Variants in HYDIN observed in about 807,000 individuals in gnomAD.
HYDIN encodes the protein HYDIN axonemal central pair apparatus protein, also known as axonemal central pair apparatus protein HYDIN.
A neutral mutation model predicts 403.9 loss-of-function variants in HYDIN; 132 were observed. The ratio of observed to expected loss-of-function variants is 0.33; its 90% CI spans 0.28 to 0.38. The LOEUF (loss-of-function observed/expected upper bound fraction) is 0.38, where lower values mean the gene tolerates loss of function less well. Among genes scored for constraint, HYDIN ranks in the 10% least tolerant of loss-of-function variants. HYDIN has a pLI of 1.00. For synonymous variants in HYDIN, 1,202 were observed against 1,891.7 expected, an observed-to-expected ratio of 0.64 and a Z score of 9.46; for missense variants, 2,827 against 5,009.5, an observed-to-expected ratio of 0.56 and a Z score of 13.15.
At chr16:70,897,157 A>G (rs139809862) in intron 53 of HYDIN, among the ~76,000 whole-genome samples, 2 of 152,300 alleles carry the variant, frequency 1.3e-5, no homozygotes, top group African/African-American at 4.8e-5. Context: ...CAACAAAAAA[A>G]TCCCCAAATA....
intron 28 of HYDIN, among the ~76,000 whole-genome samples, chr16:70,981,990 T>G (rs1196109779): frequency 1.3e-5 from 2 of 151,528 alleles, no homozygotes; most frequent in African/African-American, 4.9e-5. Context: ...TAGCCAGGCA[T>G]GGTGGTGGGC....
intron 3 of HYDIN, among the ~76,000 whole-genome samples, chr16:71,183,336 G>A (rs9930115): frequency 0.34 from 50,964 of 151,918 alleles, 9,043 homozygotes; most frequent in East Asian, 0.57. Flanking sequence ...GGAAATGCAA[G>A]CTGTAGAAGG....
intron 18 of HYDIN, among the ~76,000 whole-genome samples, chr16:71,036,992 T>C (rs1476636400): frequency 7.5e-6 from 1 of 133,272 alleles, no homozygotes; most frequent in Non-Finnish European, 1.6e-5. Context: ...AAAACCACAA[T>C]AGGGCGAAAT....
rs1337341513 is a variant in HYDIN at position 70,920,622 on chromosome 16, A to G, written c.7754T>C (p.Leu2585Pro). Residue 2585 changes from leucine (L) to proline (P), a missense_variant, in exon 46 of 86, where the codon CTA (leucine) becomes CCA (proline). Coordinates refer to ENST00000393567, the MANE Select transcript of HYDIN (RefSeq NM_001270974.2). ...DFEGLSWKQALESDKLPKGEQ... is the reference protein window; with the variant it reads ...DFEGLSWKQAPESDKLPKGEQ... ...TCCTTTGGGAAGCTTGTCGCTCTCT[A>G]GGGCCTGCTTCCAGCTCAAGCCTTC... 5.6e-6 allele frequency: 9 copies of G among 1,613,808 alleles called. No homozygotes were observed. Among genetic ancestry groups the G allele is most frequent in the Non-Finnish European group, 7.6e-6 (9 of 1,179,878 alleles).
chr16:70,996,794 TC>T (rs2079546943), intron 23 of HYDIN, among the ~76,000 whole-genome samples: 1 of 150,170 alleles, frequency 6.7e-6, no homozygotes. Flanking sequence ...AAAGCAGCGG[TC>T]CCCAACCTTT....
At chr16:71,170,192 A>G (rs2086405053) in intron 5 of HYDIN, among the ~76,000 whole-genome samples, 1 of 152,320 alleles carries the variant, frequency 6.6e-6, no homozygotes, top group East Asian at 1.9e-4. Context: ...TGAATGGACT[A>G]TACCTCAGGG....
At chr16:71,039,419 T>C (rs2081208307) in intron 18 of HYDIN, among the ~76,000 whole-genome samples, 1 of 152,048 alleles carries the variant, frequency 6.6e-6, no homozygotes, top group Non-Finnish European at 1.5e-5. Flanking sequence ...AAAGGGTGGG[T>C]CCCTGGCGAA....
chr16:70,982,605 G>A (rs1022912650), intron 28 of HYDIN, among the ~76,000 whole-genome samples: 5 of 134,404 alleles, frequency 3.7e-5, no homozygotes, highest in Admixed American at 3.1e-4. Context: ...GCAGATGGTA[G>A]CATACAGAGT....
At chr16:70,853,710 A>G (rs2038821314) in intron 73 of HYDIN, among the ~76,000 whole-genome samples, 1 of 140,320 alleles carries the variant, frequency 7.1e-6, no homozygotes. Context: ...GGGAAGGGAA[A>G]GGGTGTGGCA....
intron 40 of HYDIN, among the ~76,000 whole-genome samples, chr16:70,954,732 C>G (rs1474495916): frequency 6.6e-6 from 1 of 152,194 alleles, no homozygotes; most frequent in Admixed American, 6.5e-5. Flanking sequence ...ACATGATAGT[C>G]AAGGGCTACC....
chr16:70,951,489 C>A (rs111767315), intron 41 of HYDIN, among the ~76,000 whole-genome samples: 3 of 152,146 alleles, frequency 2.0e-5, no homozygotes, highest in African/African-American at 7.2e-5. Flanking sequence ...ATGCCTCCTA[C>A]ATGCATTACA....
Position 70,926,228 on chromosome 16 carries a change from T to C in HYDIN, c.7159-5011A>G, listed in dbSNP as rs573431241. Among the ~76,000 whole-genome samples, 6 of 151,310 alleles carry C rather than the reference T, an allele frequency of 4.0e-5. No homozygotes were observed. In the South Asian group the frequency reaches 1.3e-3, roughly 32 times the overall value. On this transcript the variant is annotated intron_variant, in intron 45 of 85. Transcript: ENST00000393567. ...AACCAACCCAAATGTCCAACAATGATAGACTGGATTAAGAAAATGTGGCAC... is the reference window on the plus strand; with the variant it reads ...AACCAACCCAAATGTCCAACAATGACAGACTGGATTAAGAAAATGTGGCAC...
chr16:70,912,922 G>A (rs554691899), intron 47 of HYDIN, among the ~76,000 whole-genome samples: 1 of 148,538 alleles, frequency 6.7e-6, no homozygotes, highest in South Asian at 2.2e-4. Flanking sequence ...GAGTGTAAAG[G>A]TGTTCATAGT....
At chr16:71,087,329 G>A (rs1215697342) in intron 12 of HYDIN, among the ~76,000 whole-genome samples, 1 of 151,762 alleles carries the variant, frequency 6.6e-6, no homozygotes, top group Non-Finnish European at 1.5e-5. Flanking sequence ...ATTTTTTTCT[G>A]AGGGTCTCTC....
chr16:71,108,223 G>A (rs1319247692), intron 10 of HYDIN, among the ~76,000 whole-genome samples: 1 of 152,122 alleles, frequency 6.6e-6, no homozygotes, highest in African/African-American at 2.4e-5. Flanking sequence ...TTGGGTACTA[G>A]GCTTAGAACC....
At chr16:71,139,169 A>C (rs1341002665) in intron 7 of HYDIN, among the ~76,000 whole-genome samples, 4 of 152,012 alleles carry the variant, frequency 2.6e-5, no homozygotes, top group African/African-American at 9.7e-5. Context: ...GCCTTAGTAC[A>C]GAGTTGAATA....
chr16:70,852,494 C>T (rs923727800), intron 73 of HYDIN, among the ~76,000 whole-genome samples: 6 of 127,464 alleles, frequency 4.7e-5, no homozygotes, highest in Non-Finnish European at 4.9e-5. Flanking sequence ...CTGTGAATGA[C>T]CTTGTTAAGA....
At chr16:71,200,691 A>C (rs993033217) in intron 1 of HYDIN, among the ~76,000 whole-genome samples, 1 of 152,218 alleles carries the variant, frequency 6.6e-6, no homozygotes, top group Non-Finnish European at 1.5e-5. Flanking sequence ...AACACAAAAG[A>C]ACAATACATG....
At chr16:71,211,757 TAAAC>T (rs1020637262) in intron 1 of HYDIN, among the ~76,000 whole-genome samples, 2 of 146,282 alleles carry the variant, frequency 1.4e-5, no homozygotes, top group African/African-American at 2.5e-5. Flanking sequence ...TAGTAAGAAA[TAAAC>T]AAAAACACAA....
Sources: gnomAD v4.1 joint callset for allele counts (sites outside exome capture counted in the v4.1 genomes callset) on GRCh38, gnomAD v4.1.1 for gene constraint, MANE v1.5 for transcripts, NCBI Gene and HGNC (gene_info 2026-07-23, HGNC 2026-07-21) for gene names.